The following SHQ1 variants were observed in gnomAD, a reference collection of about 807,000 sequenced individuals.
SHQ1 encodes protein SHQ1 homolog.
In SHQ1, 49 loss-of-function variants were observed where a neutral mutation model predicts 53.8. The ratio of observed to expected loss-of-function variants is 0.91; its 90% CI spans 0.72 to 1.16. The LOEUF (loss-of-function observed/expected upper bound fraction) is 1.16, where lower values mean the gene tolerates loss of function less well. Among genes scored for constraint, SHQ1 ranks in the 50% most tolerant of loss-of-function variants. The pLI is 0.00. For synonymous variants in SHQ1, 243 were observed against 251.0 expected (o/e 0.97, Z 0.30); for missense variants, 738 against 683.1 (o/e 1.08, Z -0.90).
chr3:72,836,289 A>G (rs1390693447), intron 4 of SHQ1, among the ~76,000 whole-genome samples: 1 of 152,202 alleles, frequency 6.6e-6, no homozygotes, highest in Non-Finnish European at 1.5e-5. Flanking sequence ...GGAGATAGAG[A>G]TCATCCTGGC....
intron 3 of SHQ1, among the ~76,000 whole-genome samples, chr3:72,841,951 C>T (rs1708188773): frequency 6.6e-6 from 1 of 152,210 alleles, no homozygotes; most frequent in Admixed American, 6.5e-5. Flanking sequence ...TGGATCAGTA[C>T]TGGTCTGCAA....
At chr3:72,843,479 TA>T (rs1286537926) in intron 2 of SHQ1, among the ~76,000 whole-genome samples, 1 of 152,226 alleles carries the variant, frequency 6.6e-6, no homozygotes, top group African/African-American at 2.4e-5. Flanking sequence ...CTTACTACAT[TA>T]TTTAGCACTT....
At position 72,767,710 on chromosome 3, in the gene SHQ1, T is replaced by C. The variant is rs573608509; in HGVS notation, c.1182-16874A>G. On this transcript the variant is annotated intron_variant, in intron 10 of 10. Coordinates refer to ENST00000325599, the MANE Select transcript of SHQ1 (RefSeq NM_018130.3). Reference sequence around the variant, plus strand: ...TGTCCCAATCAGACCCAAATTACTATCTACAAAAATTACTGATTACTAAAA... The same window carrying C: ...TGTCCCAATCAGACCCAAATTACTACCTACAAAAATTACTGATTACTAAAA... Among the ~76,000 whole-genome samples, 101 of 152,234 alleles carry C rather than the reference T, an allele frequency of 6.6e-4. 1 individual carries two copies. Among genetic ancestry groups the C allele is most frequent in the Non-Finnish European group, 1.1e-3 (72 of 68,034 alleles).
intron 7 of SHQ1, among the ~76,000 whole-genome samples, chr3:72,816,176 T>C (rs949219906): frequency 6.6e-6 from 1 of 151,994 alleles, no homozygotes; most frequent in African/African-American, 2.4e-5. Flanking sequence ...ACATAGAAAA[T>C]TCTAACTCTA....
chr3:72,738,544 G>A, the SHQ1 span, among the ~76,000 whole-genome samples: 1 of 152,118 alleles, frequency 6.6e-6, no homozygotes, highest in East Asian at 1.9e-4. Flanking sequence ...TGGGGATGGG[G>A]GTGGGATGGG....
At chr3:72,781,245 G>A (rs948713818) in intron 10 of SHQ1, among the ~76,000 whole-genome samples, 1 of 151,780 alleles carries the variant, frequency 6.6e-6, no homozygotes, top group East Asian at 1.9e-4. Flanking sequence ...AAGTAGAGAT[G>A]GGGTTTCACC....
the SHQ1 span, among the ~76,000 whole-genome samples, chr3:72,737,830 G>A: frequency 6.6e-6 from 1 of 152,228 alleles, no homozygotes; most frequent in Non-Finnish European, 1.5e-5. Context: ...TGGATATGGA[G>A]GGCCAGCTGT....
chr3:72,738,985 G>C, the SHQ1 span, among the ~76,000 whole-genome samples: 4 of 152,230 alleles, frequency 2.6e-5, no homozygotes, highest in Non-Finnish European at 5.9e-5. Flanking sequence ...GAGCTGGGTG[G>C]TTATGCCACC....
At chr3:72,822,357 G>A (rs1231797200) in intron 6 of SHQ1, among the ~76,000 whole-genome samples, 1 of 152,152 alleles carries the variant, frequency 6.6e-6, no homozygotes, top group Non-Finnish European at 1.5e-5. Flanking sequence ...TCAGTCATGG[G>A]TCAGATGAAG....
chr3:72,771,842 T>C (rs1169575927), intron 10 of SHQ1, among the ~76,000 whole-genome samples: 3 of 152,216 alleles, frequency 2.0e-5, no homozygotes, highest in Admixed American at 6.5e-5. Context: ...GGGTCCAGAA[T>C]TGAAATTAAC....
rs115013179 is a variant in SHQ1 at position 72,754,710 on chromosome 3, T to C, written c.1182-3874A>G. The stretch of plus-strand genomic sequence containing the variant: ...TGTCCTTTCTTAAGGCCACATTCTT[T>C]ACTTCTTCCTAACTTGAGCTCCACT... On this transcript the variant is annotated intron_variant, in intron 10 of 10. Transcript: ENST00000325599. Among the ~76,000 whole-genome samples the C allele has an allele frequency of 2.0e-3, 302 of 152,302 alleles. 1 individual carries two copies. Among genetic ancestry groups the C allele is most frequent in the African/African-American group, 6.9e-3 (286 of 41,566 alleles).
At chr3:72,787,572 T>TA (rs983791428) in intron 10 of SHQ1, among the ~76,000 whole-genome samples, 10 of 152,064 alleles carry the variant, frequency 6.6e-5, no homozygotes, top group Admixed American at 2.0e-4. Flanking sequence ...ATTAGTTACT[T>TA]AAAAAAAACT....
Position 72,848,372 on chromosome 3 carries a change from C to G in SHQ1, c.-32G>C. On this transcript the variant is annotated 5_prime_UTR_variant, in exon 1 of 11. Transcript: ENST00000325599. ...ACCGGACGCAAGGGCCGGCGCCGCT[C>G]GCTCTCACTGCCGCCGCGTTCCCGC... 1.9e-6 allele frequency: 3 copies of G among 1,610,456 alleles called. No homozygotes were observed. Among genetic ancestry groups the G allele is most frequent in the Non-Finnish European group, 2.5e-6 (3 of 1,178,012 alleles).
At chr3:72,766,329 C>T (rs1396361408) in intron 10 of SHQ1, among the ~76,000 whole-genome samples, 1 of 152,154 alleles carries the variant, frequency 6.6e-6, no homozygotes, top group African/African-American at 2.4e-5. Flanking sequence ...ATGTATCCAT[C>T]TCTAAACCAT....
intron 5 of SHQ1, among the ~76,000 whole-genome samples, chr3:72,831,723 T>A (rs1707827537): frequency 6.6e-6 from 1 of 152,220 alleles, no homozygotes; most frequent in Non-Finnish European, 1.5e-5. Context: ...GTGGGAGGTA[T>A]CACAATCTCT....
At chr3:72,744,129 T>A in the SHQ1 span, among the ~76,000 whole-genome samples, 1 of 152,216 alleles carries the variant, frequency 6.6e-6, no homozygotes, top group Non-Finnish European at 1.5e-5. Context: ...CCAGGGGCCC[T>A]CTGGGCTGGT....
At chr3:72,825,441 T>A (rs1429213712) in intron 5 of SHQ1, among the ~76,000 whole-genome samples, 1 of 151,424 alleles carries the variant, frequency 6.6e-6, no homozygotes, top group African/African-American at 2.4e-5. Context: ...CAAGATAAAA[T>A]CTATTTTATT....
At chr3:72,835,154 T>C (rs1212263181) in intron 4 of SHQ1, among the ~76,000 whole-genome samples, 2 of 147,456 alleles carry the variant, frequency 1.4e-5, no homozygotes, top group Non-Finnish European at 3.0e-5. Flanking sequence ...ACTCTCCCCA[T>C]CTCAACATCC....
At chr3:72,814,794 G>A (rs1707256274) in intron 8 of SHQ1, among the ~76,000 whole-genome samples, 1 of 152,032 alleles carries the variant, frequency 6.6e-6, no homozygotes, top group Non-Finnish European at 1.5e-5. Flanking sequence ...TATACTAAAA[G>A]AGTTATCAAA....
Sources: gnomAD v4.1 joint callset for allele counts (sites outside exome capture counted in the v4.1 genomes callset) on GRCh38, gnomAD v4.1.1 for gene constraint, MANE v1.5 for transcripts, NCBI Gene and HGNC (gene_info 2026-07-23, HGNC 2026-07-21) for gene names.